The following NIPAL1 variants were observed in gnomAD, a reference collection of about 807,000 sequenced individuals.
NIPAL1 encodes the protein NIPA like domain containing 1.
A neutral mutation model predicts 37.7 loss-of-function variants in NIPAL1; 35 were observed. The observed-to-expected ratio is 0.93, with a 90% CI of 0.71 to 1.23. The LOEUF is 1.23. Ranked by LOEUF, NIPAL1 falls within the 50% of genes most tolerant of loss-of-function variation. NIPAL1 has a pLI of 0.00. For synonymous variants in NIPAL1, 162 were observed against 183.0 expected, an observed-to-expected ratio of 0.89 and a Z score of 0.93; for missense variants, 412 against 473.9, an observed-to-expected ratio of 0.87 and a Z score of 1.21.
intron 4 of NIPAL1, 76 bp from the exon 5 acceptor site, chr4:48,034,805 A>G: frequency 9.3e-7 from 1 of 1,077,566 alleles, no homozygotes; most frequent in Non-Finnish European, 1.4e-6. Context: ...CATGTACCAC[A>G]GTGTGACTTC....
In NIPAL1 at chr4:48,035,644, T is replaced by A. The variant is rs771233745; in HGVS notation, c.705T>A (p.Asn235Lys). The A allele has an allele frequency of 6.2e-6, 10 of 1,613,666 alleles. No homozygotes were observed. The African/African-American group carries it at 9.4e-5, about 15-fold the overall frequency. Residue 235 changes from asparagine to lysine, a missense_variant, in exon 6 of 6, where the codon AAT (asparagine) becomes AAA (lysine). Transcript: ENST00000295461. The part of the protein sequence containing the change: ...LIVAPKKGQT[N>K]ILVYISICSL... ...TGGCTCCCAAGAAAGGACAGACCAA[T>A]ATATTGGTTTATATTTCAATCTGTT...
At chr4:48,022,570 A>T (rs1256241186) in intron 1 of NIPAL1, among the ~76,000 whole-genome samples, 1 of 152,242 alleles carries the variant, frequency 6.6e-6, no homozygotes, top group East Asian at 1.9e-4. Context: ...TTTCAGAGAC[A>T]AAGTTTTGGA....
chr4:48,035,177 G>C, intron 5 of NIPAL1, 136 bp downstream of exon 5: 1 of 741,130 alleles, frequency 1.3e-6, no homozygotes, highest in Non-Finnish European at 2.2e-6. Context: ...AGTGAGGTTT[G>C]ATTATTATTT....
At chr4:48,033,258 G>A (rs991647741) in intron 4 of NIPAL1, among the ~76,000 whole-genome samples, 175 bp downstream of exon 4, 8 of 152,034 alleles carry the variant, frequency 5.3e-5, no homozygotes, top group African/African-American at 1.9e-4. Context: ...GGGAAGCTTT[G>A]GTCAAGTCAC....
chr4:48,036,940 G>A lies in NIPAL1; in HGVS notation c.*768G>A, dbSNP rs183266903. The A allele has an allele frequency of 1.9e-5, 3 of 154,168 alleles. No homozygotes were observed. Among genetic ancestry groups the A allele is most frequent in the African/African-American group, 7.2e-5 (3 of 41,446 alleles). 9.6% of individuals were successfully genotyped at this position (154,168 alleles called of 1,614,324 possible). On this transcript the variant is annotated 3_prime_UTR_variant, in exon 6 of 6. Transcript: ENST00000295461. ...AAGGCCCTGTCTCAAAAAAGAAGAA[G>A]AGAAAGGGCCAGGGGCTTTTGCTTT...
intron 3 of NIPAL1, among the ~76,000 whole-genome samples, chr4:48,030,580 A>G (rs1715798984): frequency 6.6e-6 from 1 of 152,240 alleles, no homozygotes; most frequent in Non-Finnish European, 1.5e-5. Context: ...TTGCCAGGAC[A>G]ACACGGATAA....
intron 3 of NIPAL1, among the ~76,000 whole-genome samples, chr4:48,031,764 G>T (rs1357255668): frequency 6.6e-6 from 1 of 152,046 alleles, no homozygotes; most frequent in Non-Finnish European, 1.5e-5. Flanking sequence ...TTTAGACAGA[G>T]TCTCGCTCTT....
chr4:48,035,730 T>C lies in NIPAL1; in HGVS notation c.791T>C (p.Leu264Pro), dbSNP rs753115048. 3.1e-6 allele frequency: 5 copies of C among 1,614,162 alleles called. No individual in the cohort carries two copies. The highest frequency in any genetic ancestry group is 4.2e-6 in the Non-Finnish European group (5 of 1,180,000). ...VKGLGIAIKE[L>P]IEWKPVYKHP... is the part of the protein sequence containing the mutation. Reference sequence around the variant, plus strand: ...GGCCTGGGAATTGCCATTAAGGAGCTGATAGAATGGAAGCCAGTTTACAAA... The same window carrying C: ...GGCCTGGGAATTGCCATTAAGGAGCCGATAGAATGGAAGCCAGTTTACAAA... The change falls in exon 6 of 6, where the codon CTG becomes CCG. Residue 264 changes from leucine to proline, a missense_variant. Physicochemically the swap from Leu to Pro is moderately conservative, Grantham distance 98 (BLOSUM62 -3). Transcript: ENST00000295461.
chr4:48,025,476 T>G, intron 2 of NIPAL1, 142 bp downstream of exon 2: 1 of 798,050 alleles, frequency 1.3e-6, no homozygotes, highest in Non-Finnish European at 1.9e-6. Flanking sequence ...GAAAAATACT[T>G]AGGTCTTTGA....
intron 2 of NIPAL1, 132 bp downstream of exon 2, chr4:48,025,466 G>A (rs1477080416): frequency 3.5e-6 from 3 of 855,476 alleles, no homozygotes; most frequent in Non-Finnish European, 5.3e-6. Context: ...ATGGATGTTA[G>A]AAAAATACTT....
rs1293706242 is a variant in NIPAL1, at chr4:48,037,199, A to AC, written c.*1028dup. 2 of 397,638 alleles carry AC rather than the reference A, an allele frequency of 5.0e-6. No homozygotes were observed. Among genetic ancestry groups the AC allele is most frequent in the Non-Finnish European group, 9.8e-6 (2 of 204,958 alleles). The allele number at this position is 397,638 out of a possible 1,614,324, so 24.6% of individuals were successfully genotyped here. A position where few individuals can be genotyped will look rare whatever the true frequency, so the allele number is the denominator to read the frequency against. On this transcript the variant is annotated 3_prime_UTR_variant, in exon 6 of 6. Transcript: ENST00000295461. ...ATTTACTACCAGTTAAAGAGGGAGA[A>AC]CGGAGGAAGAGAAAAATACTTCAGA...
chr4:48,034,434 G>A (rs1424452047), intron 4 of NIPAL1, among the ~76,000 whole-genome samples: 1 of 152,156 alleles, frequency 6.6e-6, no homozygotes, highest in African/African-American at 2.4e-5. Flanking sequence ...CCCCTGGTCC[G>A]TTTGATTGTA....
In NIPAL1 at chr4:48,039,421, G is replaced by A. The variant is rs1560327411; in HGVS notation, c.*3249G>A. The A allele has an allele frequency of 6.6e-6, 1 of 151,816 alleles. No individual in the cohort carries two copies. Among genetic ancestry groups the A allele is most frequent in the Non-Finnish European group, 1.5e-5 (1 of 68,008 alleles). 9.4% of individuals were successfully genotyped at this position (151,816 alleles called of 1,614,324 possible). ...CTGGACCCCTATATTCAGACTATTA[G>A]TCTTAACTGGTAGTTTATGTATATA... On this transcript the variant is annotated 3_prime_UTR_variant, in exon 6 of 6. Transcript: ENST00000295461.
chr4:48,033,149 A>G, intron 4 of NIPAL1, 66 bp downstream of exon 4: 1 of 982,168 alleles, frequency 1.0e-6, no homozygotes, highest in South Asian at 1.4e-5. Flanking sequence ...TTAAACCATA[A>G]TAAACATATG....
intron 1 of NIPAL1, among the ~76,000 whole-genome samples, chr4:48,017,126 C>T (rs1291700783): frequency 6.6e-6 from 1 of 152,220 alleles, no homozygotes; most frequent in Non-Finnish European, 1.5e-5. Context: ...GGTGGGACTC[C>T]CACTCGATTC....
At chr4:48,026,983 G>T (rs1329737771) in intron 2 of NIPAL1, among the ~76,000 whole-genome samples, 1 of 151,790 alleles carries the variant, frequency 6.6e-6, no homozygotes, top group Non-Finnish European at 1.5e-5. Flanking sequence ...CTCCCAAAGT[G>T]CTGGGATTAC....
intron 1 of NIPAL1, among the ~76,000 whole-genome samples, chr4:48,021,438 A>G (rs930898030): frequency 6.6e-6 from 1 of 152,262 alleles, no homozygotes; most frequent in South Asian, 2.1e-4. Flanking sequence ...ACCTGTACAT[A>G]GAAGATAAAT....
intron 1 of NIPAL1, among the ~76,000 whole-genome samples, chr4:48,021,329 C>T (rs2048157): frequency 0.48 from 73,119 of 151,984 alleles, 18,129 homozygotes; most frequent in Non-Finnish European, 0.53. Context: ...TTTACAGATG[C>T]GGAAACTGAA....
chr4:48,022,060 AGT>A, intron 1 of NIPAL1, among the ~76,000 whole-genome samples: 2 of 152,318 alleles, frequency 1.3e-5, no homozygotes, highest in East Asian at 3.9e-4. Context: ...TAATGAATGG[AGT>A]AGATGTTCTC....
Sources: allele counts gnomAD v4.1 joint callset (sites outside exome capture counted in the v4.1 genomes callset), GRCh38; gene constraint gnomAD v4.1.1; transcripts MANE v1.5; gene names NCBI Gene and HGNC (gene_info 2026-07-23, HGNC 2026-07-21).